CTNNA3: variants seen among roughly 807,000 people sequenced by gnomAD.
The protein encoded by CTNNA3 is catenin alpha-3.
In CTNNA3, 76 loss-of-function variants were observed where a neutral mutation model predicts 95.7. That is an observed-to-expected ratio of 0.79 (90% CI 0.66 to 0.96). The LOEUF (loss-of-function observed/expected upper bound fraction) is 0.96. Among genes scored for constraint, CTNNA3 ranks in the 40% least tolerant of loss-of-function variants. The pLI is 0.00. For synonymous variants in CTNNA3, 431 were observed against 374.4 expected, an observed-to-expected ratio of 1.15 and a Z score of -1.74; for missense variants, 1,191 against 1,089.8, an observed-to-expected ratio of 1.09 and a Z score of -1.31.
chr10:67,206,671 A>AG (rs1863913949), intron 6 of CTNNA3, among the ~76,000 whole-genome samples: 1 of 151,560 alleles, frequency 6.6e-6, no homozygotes, highest in South Asian at 2.1e-4. Flanking sequence ...AAAAAAAAAA[A>AG]AATTAAGAGT....
chr10:65,985,120 A>T (rs899491559), intron 16 of CTNNA3, among the ~76,000 whole-genome samples: 1 of 151,202 alleles, frequency 6.6e-6, no homozygotes, highest in Non-Finnish European at 1.5e-5. Context: ...TTATATCCAC[A>T]AATACAATAT....
intron 11 of CTNNA3, among the ~76,000 whole-genome samples, chr10:66,465,079 A>C (rs768741459): frequency 7.2e-5 from 11 of 152,204 alleles, no homozygotes; most frequent in African/African-American, 7.2e-5. Flanking sequence ...CCTAATGATT[A>C]AAACAGATTT....
At chr10:67,514,763 T>G (rs1337253039) in intron 5 of CTNNA3, among the ~76,000 whole-genome samples, 1 of 151,630 alleles carries the variant, frequency 6.6e-6, no homozygotes, top group East Asian at 1.9e-4. Flanking sequence ...ATCAGCATTG[T>G]AAATTTTGAA....
intron 3 of CTNNA3, among the ~76,000 whole-genome samples, chr10:67,567,615 G>A (rs1194537283): frequency 1.3e-5 from 2 of 152,096 alleles, no homozygotes; most frequent in Admixed American, 1.3e-4. Context: ...CCTTTCATGT[G>A]AATTATCTGG....
chr10:66,927,024 G>A lies in CTNNA3; in HGVS notation c.1048-151500C>T. ...CTTCTGCCGAACGAGGATGCCCTAA[G>A]GGCTGTAGGTGTGAAGGCAAAATGG... On this transcript the variant is annotated intron_variant, in intron 7 of 17. Coordinates refer to ENST00000433211, the MANE Select transcript of CTNNA3 (RefSeq NM_013266.4). The surrounding 1 kb of genome is among the most constrained non-coding windows in gnomAD (Gnocchi z 4.7). 6.2e-7 allele frequency: 1 copy of A among 1,614,114 alleles called. No homozygotes were observed. Among genetic ancestry groups the A allele is most frequent in the Non-Finnish European group, 8.5e-7 (1 of 1,180,028 alleles).
At chr10:66,908,412 C>A (rs1846083133) in intron 7 of CTNNA3, among the ~76,000 whole-genome samples, 1 of 152,186 alleles carries the variant, frequency 6.6e-6, no homozygotes, top group Middle Eastern at 3.2e-3. Flanking sequence ...GGACAAGGAT[C>A]TCATCAAAGC....
At chr10:67,258,524 A>T (rs1472815231) in intron 5 of CTNNA3, among the ~76,000 whole-genome samples, 1 of 152,192 alleles carries the variant, frequency 6.6e-6, no homozygotes, top group African/African-American at 2.4e-5. Context: ...AAAAGCGAAC[A>T]CCTAGAGAAC....
At chr10:66,741,556 C>T (rs1335288013) in intron 9 of CTNNA3, among the ~76,000 whole-genome samples, 1 of 152,114 alleles carries the variant, frequency 6.6e-6, no homozygotes, top group African/African-American at 2.4e-5. Flanking sequence ...TAAACTAATA[C>T]AATTCACTAC....
chr10:67,250,827 C>T (rs940210112), intron 5 of CTNNA3, among the ~76,000 whole-genome samples: 3 of 152,176 alleles, frequency 2.0e-5, no homozygotes, highest in African/African-American at 7.2e-5. Context: ...TAATCAATAA[C>T]ACTTGTTGGC....
At chr10:66,009,898 GT>G (rs2078972122) in intron 15 of CTNNA3, among the ~76,000 whole-genome samples, 1 of 152,154 alleles carries the variant, frequency 6.6e-6, no homozygotes, top group Non-Finnish European at 1.5e-5. Flanking sequence ...AAAAATATAC[GT>G]GTCGAGAGAT....
chr10:67,063,354 A>T (rs1272507269), intron 7 of CTNNA3, among the ~76,000 whole-genome samples: 1 of 152,216 alleles, frequency 6.6e-6, no homozygotes, highest in East Asian at 1.9e-4. Context: ...TGAGAATCAA[A>T]CTAGATAAAG....
chr10:67,591,686 C>T (rs1842792397), intron 3 of CTNNA3, among the ~76,000 whole-genome samples: 1 of 151,644 alleles, frequency 6.6e-6, no homozygotes, highest in Admixed American at 6.6e-5. Flanking sequence ...CATAAGAGAC[C>T]TATGAGACAT....
chr10:66,676,030 G>C (rs1846840962), intron 9 of CTNNA3, among the ~76,000 whole-genome samples: 1 of 152,018 alleles, frequency 6.6e-6, no homozygotes, highest in African/African-American at 2.4e-5. Context: ...TTGGAAGAAA[G>C]CTTTTGTACA....
At chr10:65,946,775 A>G (rs1437735375) in intron 17 of CTNNA3, among the ~76,000 whole-genome samples, 1 of 152,188 alleles carries the variant, frequency 6.6e-6, no homozygotes, top group Non-Finnish European at 1.5e-5. Context: ...TTCTGTAAAT[A>G]TAATGGGCTG....
chr10:66,280,419 C>T, intron 13 of CTNNA3, 51 bp downstream of exon 13: 1 of 1,509,152 alleles, frequency 6.6e-7, no homozygotes, highest in Non-Finnish European at 9.1e-7. Flanking sequence ...CCAGGCATTC[C>T]AGATGGTGAA....
intron 5 of CTNNA3, among the ~76,000 whole-genome samples, chr10:67,388,453 T>C (rs1223400210): frequency 1.2e-4 from 15 of 121,408 alleles, no homozygotes; most frequent in Non-Finnish European, 1.9e-4. Flanking sequence ...CTGAAAGTGA[T>C]GGGGAGAATG....
At chr10:66,453,239 G>A (rs989309343) in intron 11 of CTNNA3, among the ~76,000 whole-genome samples, 3 of 151,132 alleles carry the variant, frequency 2.0e-5, no homozygotes, top group African/African-American at 7.3e-5. Flanking sequence ...AAAAAAAACT[G>A]AGCCTCCAAA....
rs192485479 is a variant in CTNNA3, at chr10:67,652,665, C to A, written c.-5-5147G>T. On this transcript the variant is annotated intron_variant, in intron 1 of 17. Transcript: ENST00000433211. ...AGTTCCAGAGATATCATACATAATA[C>A]CAGAACATATGGATTTATATATTTA... 1.4e-4 allele frequency among the ~76,000 whole-genome samples: 21 copies of A among 152,208 alleles called. No individual in the cohort carries two copies. In the East Asian group the frequency reaches 4.1e-3, roughly 29 times the overall value.
chr10:66,138,586 T>C lies in CTNNA3; in HGVS notation c.1885-35337A>G, dbSNP rs1162684859. ...GCTCACACCTATAATTCCAGCACTT[T>C]GGGAGGCCGAGGTGGGCAGATCACC... On this transcript the variant is annotated intron_variant, in intron 13 of 17. Transcript: ENST00000433211. 2.6e-5 allele frequency among the ~76,000 whole-genome samples: 4 copies of C among 152,172 alleles called. No homozygotes were observed. In the East Asian group the frequency reaches 7.7e-4, roughly 29 times the overall value.
Sources: allele counts gnomAD v4.1 joint callset (sites outside exome capture counted in the v4.1 genomes callset), GRCh38; gene constraint gnomAD v4.1.1; non-coding constraint Gnocchi (gnomAD v3.1); transcripts MANE v1.5; gene names NCBI Gene and HGNC (gene_info 2026-07-23, HGNC 2026-07-21).